UBE2E3: variants seen among roughly 807,000 people sequenced by gnomAD.
UBE2E3 encodes the protein ubiquitin conjugating enzyme E2 E3, also known as ubiquitin-conjugating enzyme E2 E3.
A neutral mutation model predicts 23.6 loss-of-function variants in UBE2E3; 5 were observed. That is an observed-to-expected ratio of 0.21 (90% CI 0.11 to 0.44). UBE2E3 has a LOEUF of 0.44. Ranked by LOEUF, UBE2E3 falls within the 20% of genes least tolerant of loss-of-function variation. The pLI is 0.99. For synonymous variants in UBE2E3, 78 were observed against 87.5 expected (o/e 0.89, Z 0.60); for missense variants, 81 against 249.8 (o/e 0.32, Z 4.55).
intron 3 of UBE2E3, among the ~76,000 whole-genome samples, chr2:180,999,322 G>GT (rs541729809): frequency 1.3e-5 from 2 of 152,182 alleles, no homozygotes; most frequent in Non-Finnish European, 2.9e-5. Flanking sequence ...ATTTGGTATA[G>GT]TTTATCTCCT....
rs989511750 is a variant in UBE2E3 at position 180,994,884 on chromosome 2, TAC to T, written c.245+10795_245+10796del. 6.7e-4 allele frequency among the ~76,000 whole-genome samples: 102 copies of T among 152,304 alleles called. No individual in the cohort carries two copies. The Middle Eastern group carries it at 0.01, about 15-fold the overall frequency. On this transcript the variant is annotated intron_variant, in intron 3 of 5. Transcript: ENST00000410062. ...TAAAAAGTTAGAATTTATCAAAACT[TAC>T]ACAGTCATTTACAGACCACACATGG... is the stretch of plus-strand genomic sequence containing the variant.
intron 5 of UBE2E3, among the ~76,000 whole-genome samples, chr2:181,062,524 A>G (rs1030523992): frequency 4.0e-5 from 6 of 151,682 alleles, no homozygotes; most frequent in South Asian, 4.1e-4. Context: ...GTTTTTGTAT[A>G]TTAAAGACAT....
chr2:181,028,896 AGC>A (rs1422215975), intron 3 of UBE2E3, among the ~76,000 whole-genome samples: 1 of 152,124 alleles, frequency 6.6e-6, no homozygotes, highest in African/African-American at 2.4e-5. Context: ...TTATATGATT[AGC>A]ACTTTTTGTG....
At chr2:181,058,106 A>G (rs543638870) in intron 4 of UBE2E3, among the ~76,000 whole-genome samples, 1 of 151,846 alleles carries the variant, frequency 6.6e-6, no homozygotes, top group East Asian at 1.9e-4. Context: ...AGAAGATCCT[A>G]TGAACCTTCA....
At chr2:181,058,283 G>T (rs1687041151) in intron 4 of UBE2E3, among the ~76,000 whole-genome samples, 1 of 151,680 alleles carries the variant, frequency 6.6e-6, no homozygotes, top group Admixed American at 6.6e-5. Context: ...CAAGAAGAGG[G>T]AAACTAATAA....
chr2:180,995,795 G>C (rs1042583989), intron 3 of UBE2E3, among the ~76,000 whole-genome samples: 1 of 148,554 alleles, frequency 6.7e-6, no homozygotes, highest in African/African-American at 2.5e-5. Context: ...TTGTTTTAAC[G>C]AAACAAAACT....
intron 2 of UBE2E3, 80 bp downstream of exon 2, chr2:180,982,316 A>G: frequency 7.9e-7 from 1 of 1,264,088 alleles, no homozygotes; most frequent in South Asian, 1.4e-5. Flanking sequence ...GTTTTACCTC[A>G]ATAGCAGTAG....
chr2:181,052,772 C>CT (rs1307728118), intron 3 of UBE2E3, among the ~76,000 whole-genome samples: 1 of 151,818 alleles, frequency 6.6e-6, no homozygotes, highest in African/African-American at 2.4e-5. Flanking sequence ...TCTACCCACT[C>CT]TTAAGGCCAG....
chr2:181,025,409 T>TC (rs1685853171), intron 3 of UBE2E3, among the ~76,000 whole-genome samples: 1 of 151,574 alleles, frequency 6.6e-6, no homozygotes, highest in African/African-American at 2.4e-5. Flanking sequence ...ATCTATTTTT[T>TC]CCCTGACAGT....
At chr2:181,046,215 A>G (rs1214288412) in intron 3 of UBE2E3, among the ~76,000 whole-genome samples, 2 of 152,202 alleles carry the variant, frequency 1.3e-5, no homozygotes, top group African/African-American at 4.8e-5. Context: ...AAGATCTTCC[A>G]TAAAGCCACA....
intron 3 of UBE2E3, among the ~76,000 whole-genome samples, chr2:181,019,402 T>A (rs1213851949): frequency 6.6e-6 from 1 of 152,270 alleles, no homozygotes; most frequent in Non-Finnish European, 1.5e-5. Context: ...TTAATCTTTT[T>A]TCTACCTGTA....
intron 3 of UBE2E3, among the ~76,000 whole-genome samples, chr2:181,043,241 CTAAA>C (rs1370432403): frequency 6.6e-6 from 1 of 151,970 alleles, no homozygotes; most frequent in Admixed American, 6.6e-5. Context: ...TATTTTTTTA[CTAAA>C]TACTTACATG....
intron 3 of UBE2E3, among the ~76,000 whole-genome samples, chr2:181,031,398 C>G (rs368894473): frequency 6.6e-6 from 1 of 152,082 alleles, no homozygotes; most frequent in Non-Finnish European, 1.5e-5. Flanking sequence ...TGCTGTATTA[C>G]TATACCTTGA....
intron 5 of UBE2E3, 47 bp downstream of exon 5, chr2:181,060,859 T>C: frequency 1.8e-6 from 1 of 554,018 alleles, no homozygotes; most frequent in Non-Finnish European, 2.5e-6. Context: ...CAAAAACGAG[T>C]GCTTTTTTTT....
At chr2:181,024,068 A>G (rs1685797201) in intron 3 of UBE2E3, among the ~76,000 whole-genome samples, 1 of 152,084 alleles carries the variant, frequency 6.6e-6, no homozygotes, top group African/African-American at 2.4e-5. Context: ...TTTTTCTCCT[A>G]TTGATACTGT....
intron 3 of UBE2E3, among the ~76,000 whole-genome samples, chr2:181,048,431 G>A (rs1448719391): frequency 6.6e-6 from 1 of 152,060 alleles, no homozygotes; most frequent in Non-Finnish European, 1.5e-5. Flanking sequence ...TTGATTCAAA[G>A]TAAATTCATA....
In UBE2E3 at chr2:181,060,676, C is replaced by T; in HGVS notation, c.390C>T (p.Arg130=). The stretch of plus-strand genomic sequence containing the variant: ...GTGACTGTGCTTAGGTTACTTTCCG[C>T]ACCAGAATCTATCACTGCAACATCA... ...YPFKPPKVTF[R]TRIYHCNINS... is the part of the protein sequence containing the mutation. Residue 130 remains arginine (R), a synonymous_variant, in exon 5 of 6, where the codon CGC becomes CGT. Transcript: ENST00000410062. 6.2e-7 allele frequency: 1 copy of T among 1,604,154 alleles called. No individual in the cohort carries two copies. Among genetic ancestry groups the T allele is most frequent in the Non-Finnish European group, 8.5e-7 (1 of 1,175,790 alleles).
In UBE2E3 at chr2:180,999,091, C is replaced by T. The variant is rs533122061; in HGVS notation, c.245+14998C>T. On this transcript the variant is annotated intron_variant, in intron 3 of 5. Coordinates refer to ENST00000410062, the MANE Select transcript of UBE2E3 (RefSeq NM_006357.4). ...ATGTAGTATGAATCCCTAAACATAA[C>T]ACCAGTACTGCTAAATGACAGTTAT... Among the ~76,000 whole-genome samples the T allele has an allele frequency of 1.4e-3, 219 of 152,200 alleles. 9 individuals are homozygous for T. In the South Asian group the frequency reaches 0.043, roughly 30 times the overall value.
rs779598428 is a variant in UBE2E3 at position 180,982,171 on chromosome 2, C to G, written c.129C>G (p.Thr43=). The G allele has an allele frequency of 1.7e-5, 27 of 1,612,320 alleles. No individual in the cohort carries two copies. The highest frequency in any genetic ancestry group is 2.3e-5 in the Non-Finnish European group (27 of 1,179,256). ...EEQEERKPSA[T]QQKKNTKLSS... ...AAGAGGAAAGAAAACCTTCTGCCAC[C>G]CAGCAGAAGAAAAACACCAAACTCT... The change falls in exon 2 of 6, where the codon ACC becomes ACG. Residue 43 remains threonine, a synonymous_variant. Coordinates refer to ENST00000410062, the MANE Select transcript of UBE2E3 (RefSeq NM_006357.4).
Sources: allele counts gnomAD v4.1 joint callset (sites outside exome capture counted in the v4.1 genomes callset), GRCh38; gene constraint gnomAD v4.1.1; transcripts MANE v1.5; gene names NCBI Gene and HGNC (gene_info 2026-07-23, HGNC 2026-07-21).